Variants in PTPRA observed in about 807,000 individuals in gnomAD.
PTPRA encodes the protein protein tyrosine phosphatase receptor type A.
PTPRA carries 25 observed loss-of-function variants against 104.8 expected under a neutral mutation model. The observed-to-expected ratio is 0.24, with a 90% CI of 0.17 to 0.33. The LOEUF (loss-of-function observed/expected upper bound fraction) is 0.33, where lower values mean the gene tolerates loss of function less well. PTPRA is among the 10% of genes least tolerant of loss of function. The pLI is 1.00. For missense variants in PTPRA, 765 were observed against 1,015.3 expected, an observed-to-expected ratio of 0.75 and a Z score of 3.35; for synonymous variants, 323 against 368.9, an observed-to-expected ratio of 0.88 and a Z score of 1.43.
chr20:2,901,319 T>G (rs2059228852), intron 1 of PTPRA, among the ~76,000 whole-genome samples: 1 of 152,152 alleles, frequency 6.6e-6, no homozygotes, highest in Non-Finnish European at 1.5e-5. Flanking sequence ...TCAGCTGAAC[T>G]TTACACAGCT....
At chr20:2,980,704 GAAAA>G (rs1020323424) in intron 6 of PTPRA, among the ~76,000 whole-genome samples, 2 of 151,936 alleles carry the variant, frequency 1.3e-5, no homozygotes, top group African/African-American at 4.8e-5. Flanking sequence ...AAAAATTTAA[GAAAA>G]AAAATTTTTT....
At chr20:2,969,978 T>TAAATAATAAATA (rs1555807324) in intron 5 of PTPRA, among the ~76,000 whole-genome samples, 22 of 149,990 alleles carry the variant, frequency 1.5e-4, no homozygotes, top group Non-Finnish European at 2.2e-4. Context: ...TCTAAATAAA[T>TAAATAATAAATA]AATAAATAAA....
At chr20:2,865,618 G>A in the PTPRA span, 2,605 of 884,966 alleles carry the variant, frequency 2.9e-3, 56 homozygotes, top group African/African-American at 0.037. This position sits in a 1 kb window ranked among gnomAD's most constrained non-coding sequence, Gnocchi z 5.2. Context: ...CATAGTTAGC[G>A]AGTGCTTCCT....
chr20:3,015,816 C>G lies in PTPRA; in HGVS notation c.907-33C>G, dbSNP rs200279722. ...TTCATTTCTATTCATTTTTGGTTTT[C>G]TCTTTCTTTTTCTTTCCTTCCCCAC... On this transcript the variant is annotated intron_variant, in intron 11 of 23. Coordinates refer to ENST00000399903, the MANE Select transcript of PTPRA (RefSeq NM_001385305.1). 4,458 of 1,517,544 alleles carry G rather than the reference C, an allele frequency of 2.9e-3. 12 individuals are homozygous for G. Among genetic ancestry groups the G allele is most frequent in the Non-Finnish European group, 3.7e-3 (4,086 of 1,098,524 alleles). The allele number at this position is 1,517,544 out of a possible 1,614,324, so 94.0% of individuals were successfully genotyped here. A position where few individuals can be genotyped will look rare whatever the true frequency, so the allele number is the denominator to read the frequency against.
intron 1 of PTPRA, among the ~76,000 whole-genome samples, chr20:2,901,651 A>G (rs1056174579): frequency 1.3e-5 from 2 of 152,162 alleles, no homozygotes; most frequent in African/African-American, 4.8e-5. Context: ...TGTTATATGT[A>G]TTATTGTAAG....
intron 9 of PTPRA, among the ~76,000 whole-genome samples, chr20:2,994,423 G>T (rs60040561): frequency 0.015 from 2,317 of 152,242 alleles, 120 homozygotes; most frequent in Admixed American, 0.09. Flanking sequence ...AGCCATAAAC[G>T]TCTGATCATG....
intron 17 of PTPRA, among the ~76,000 whole-genome samples, chr20:3,025,922 G>A (rs2065120222): frequency 6.6e-6 from 1 of 151,064 alleles, no homozygotes; most frequent in Non-Finnish European, 1.5e-5. Context: ...ATGAGTTAGA[G>A]CTTGAGATTC....
chr20:2,975,491 C>G (rs1462910609), intron 6 of PTPRA, among the ~76,000 whole-genome samples: 1 of 152,190 alleles, frequency 6.6e-6, no homozygotes, highest in African/African-American at 2.4e-5. Context: ...CAAAATATAT[C>G]TTACTTTGAC....
chr20:2,923,380 C>T (rs758366442), intron 2 of PTPRA, 95 bp downstream of exon 2: 177 of 886,282 alleles, frequency 2.0e-4, no homozygotes, highest in Non-Finnish European at 2.4e-4. Flanking sequence ...TGCTTCATTT[C>T]GTTTCTAAGC....
intron 2 of PTPRA, among the ~76,000 whole-genome samples, chr20:2,936,645 G>T (rs1447297468): frequency 2.7e-5 from 4 of 146,820 alleles, no homozygotes; most frequent in Admixed American, 2.0e-4. Context: ...TTTGTTTGGG[G>T]TTTTTTTGGT....
intron 3 of PTPRA, among the ~76,000 whole-genome samples, chr20:2,948,382 T>C (rs1430391073): frequency 6.6e-6 from 1 of 152,212 alleles, no homozygotes; most frequent in African/African-American, 2.4e-5. Context: ...CTAATGTCTC[T>C]AGTATCTGCT....
At chr20:2,905,932 C>G (rs544045883) in intron 1 of PTPRA, among the ~76,000 whole-genome samples, 2 of 151,826 alleles carry the variant, frequency 1.3e-5, no homozygotes, top group Admixed American at 1.3e-4. Flanking sequence ...GTGATCCACC[C>G]GCCTCGGCCT....
chr20:2,988,290 G>A lies in PTPRA; in HGVS notation c.602-48G>A, dbSNP rs146853356. ...ACCCCGTTTAGCCTCCAGAAGAGGG[G>A]CTAGGTTCTCAGGGTACCTGACTGA... On this transcript the variant is annotated intron_variant, in intron 8 of 23. Transcript: ENST00000399903. 1,565 of 1,566,920 alleles carry A rather than the reference G, an allele frequency of 1.0e-3. 12 individuals carry two copies. The African/African-American group carries it at 0.019, about 19-fold the overall frequency.
At chr20:2,962,034 A>G (rs1253385881) in intron 3 of PTPRA, among the ~76,000 whole-genome samples, 2 of 152,196 alleles carry the variant, frequency 1.3e-5, no homozygotes, top group African/African-American at 2.4e-5. Context: ...AATAGCATTA[A>G]TCTTTGACTC....
chr20:2,915,951 G>A (rs764241419), intron 1 of PTPRA, among the ~76,000 whole-genome samples: 1 of 152,176 alleles, frequency 6.6e-6, no homozygotes, highest in African/African-American at 2.4e-5. Context: ...TCCAGCCTGG[G>A]CCACAGAGCG....
At chr20:2,948,880 A>G (rs890930176) in intron 3 of PTPRA, among the ~76,000 whole-genome samples, 8 of 151,984 alleles carry the variant, frequency 5.3e-5, no homozygotes, top group Non-Finnish European at 1.2e-4. Context: ...TGAACCCGGG[A>G]GGCGGAGCTT....
chr20:2,877,421 G>T (rs1025091672), intron 1 of PTPRA, among the ~76,000 whole-genome samples: 7 of 152,032 alleles, frequency 4.6e-5, no homozygotes, highest in African/African-American at 1.7e-4. Context: ...CACTGTACCT[G>T]GCTAATTTTG....
At chr20:2,965,348 G>A in intron 5 of PTPRA, 146 bp downstream of exon 5, 1 of 805,176 alleles carries the variant, frequency 1.2e-6, no homozygotes, top group South Asian at 1.9e-5. Flanking sequence ...GGAATTTTTG[G>A]GTTAGCATGA....
the PTPRA span, chr20:2,864,686 G>GGGGCGTGTT: frequency 8.1e-6 from 13 of 1,606,416 alleles, no homozygotes; most frequent in African/African-American, 1.7e-4. The surrounding 1 kb of genome is among the most constrained non-coding windows in gnomAD (Gnocchi z 5.2). Context: ...TGGGGCGTGT[G>GGGGCGTGTT]GGGCATGTGG....
Sources: allele counts gnomAD v4.1 joint callset (sites outside exome capture counted in the v4.1 genomes callset), GRCh38; gene constraint gnomAD v4.1.1; non-coding constraint Gnocchi (gnomAD v3.1); transcripts MANE v1.5; gene names NCBI Gene and HGNC (gene_info 2026-07-23, HGNC 2026-07-21).